PKNOX2: variants seen among roughly 807,000 people sequenced by gnomAD.
PKNOX2 encodes PBX/knotted 1 homeobox 2.
A neutral mutation model predicts 53.1 loss-of-function variants in PKNOX2; 14 were observed. The observed-to-expected ratio is 0.26, with a 90% CI of 0.17 to 0.41. The LOEUF is 0.41. Among genes scored for constraint, PKNOX2 ranks in the 10% least tolerant of loss-of-function variants. The probability of loss-of-function intolerance (pLI) is 1.00; values close to 1 mark genes in which losing one functional copy is unlikely to be tolerated. For synonymous variants in PKNOX2, 257 were observed against 242.8 expected (o/e 1.06, Z -0.54); for missense variants, 496 against 602.8 (o/e 0.82, Z 1.85).
At chr11:125,271,183 A>G (rs2135791101) in intron 2 of PKNOX2, among the ~76,000 whole-genome samples, 1 of 152,064 alleles carries the variant, frequency 6.6e-6, no homozygotes, top group South Asian at 2.1e-4. Flanking sequence ...TTCTACCCAG[A>G]CTCTAGTATA....
At chr11:125,229,844 C>T (rs1432361278) in intron 1 of PKNOX2, among the ~76,000 whole-genome samples, 1 of 152,342 alleles carries the variant, frequency 6.6e-6, no homozygotes, top group East Asian at 1.9e-4. Context: ...GACCAAGCCA[C>T]TCTGTGAGCC....
At position 125,229,107 on chromosome 11, in the gene PKNOX2, T is replaced by C. The variant is rs570808708; in HGVS notation, c.-200-5938T>C. 2.0e-5 allele frequency among the ~76,000 whole-genome samples: 3 copies of C among 152,124 alleles called. No homozygotes were observed. The South Asian group carries it at 6.3e-4, about 32-fold the overall frequency. On this transcript the variant is annotated intron_variant, in intron 1 of 12. Coordinates refer to ENST00000298282, the MANE Select transcript of PKNOX2 (RefSeq NM_001382323.2). ...ACTTGGTGGGTCCATGTGGGAGCGG[T>C]GTTGGCATTTCCTGGCCCTCCTCCT...
chr11:125,269,556 C>T (rs1481005373), intron 2 of PKNOX2, among the ~76,000 whole-genome samples: 1 of 152,214 alleles, frequency 6.6e-6, no homozygotes, highest in Non-Finnish European at 1.5e-5. Flanking sequence ...GGCAGAGGCA[C>T]GACCAAGTCT....
At chr11:125,320,044 T>A (rs1949432180) in intron 2 of PKNOX2, among the ~76,000 whole-genome samples, 1 of 152,220 alleles carries the variant, frequency 6.6e-6, no homozygotes, top group Non-Finnish European at 1.5e-5. Context: ...TTCAAAAAGA[T>A]CTTTCTAGCT....
intron 4 of PKNOX2, among the ~76,000 whole-genome samples, chr11:125,362,318 T>C (rs1284860323): frequency 6.6e-6 from 1 of 152,218 alleles, no homozygotes; most frequent in Non-Finnish European, 1.5e-5. Flanking sequence ...GAGATGATGA[T>C]AACCTACTGC....
chr11:125,256,351 C>A (rs1944398856), intron 2 of PKNOX2, among the ~76,000 whole-genome samples: 1 of 152,146 alleles, frequency 6.6e-6, no homozygotes, highest in African/African-American at 2.4e-5. Flanking sequence ...TGGGTGCCCA[C>A]TGAGTCTGTC....
chr11:125,321,482 G>C (rs1248041386), intron 2 of PKNOX2, among the ~76,000 whole-genome samples: 1 of 152,170 alleles, frequency 6.6e-6, no homozygotes, highest in Non-Finnish European at 1.5e-5. Context: ...TTGTCCTACT[G>C]TATTGTTTAG....
chr11:125,220,903 A>G (rs1941075318), intron 1 of PKNOX2, among the ~76,000 whole-genome samples: 1 of 152,064 alleles, frequency 6.6e-6, no homozygotes, highest in African/African-American at 2.4e-5. Context: ...TTCTGCTCCC[A>G]TTTCTGTTCT....
chr11:125,305,301 T>C (rs2135977970), intron 2 of PKNOX2, among the ~76,000 whole-genome samples: 1 of 152,326 alleles, frequency 6.6e-6, no homozygotes, highest in Non-Finnish European at 1.5e-5. Context: ...CAAACTATTA[T>C]AGAACTGACA....
At position 125,303,207 on chromosome 11, in the gene PKNOX2, G is replaced by C. The variant is rs565382796; in HGVS notation, c.-129-28612G>C. Among the ~76,000 whole-genome samples, 3 of 152,316 alleles carry C rather than the reference G, an allele frequency of 2.0e-5. No individual in the cohort carries two copies. The East Asian group carries it at 5.8e-4, about 29-fold the overall frequency. The stretch of plus-strand genomic sequence containing the variant: ...AACATAACCTAAATCTCATACTTTT[G>C]AATTTTGCTTTTCAATTTTCATAGC... On this transcript the variant is annotated intron_variant, in intron 2 of 12. Transcript: ENST00000298282.
At chr11:125,365,937 C>T (rs539757818) in intron 4 of PKNOX2, among the ~76,000 whole-genome samples, 11 of 152,322 alleles carry the variant, frequency 7.2e-5, no homozygotes, top group African/African-American at 2.2e-4. Flanking sequence ...TGGTACATGG[C>T]AGGGACTCAA....
In PKNOX2 at chr11:125,430,064, C is replaced by A; in HGVS notation, c.1115C>A (p.Thr372Asn). 1.9e-6 allele frequency: 3 copies of A among 1,614,194 alleles called. No homozygotes were observed. The highest frequency in any genetic ancestry group is 1.7e-6 in the Non-Finnish European group (2 of 1,180,032). The change falls in exon 12 of 13, where the codon ACC becomes AAC. Residue 372 changes from threonine (T) to asparagine (N), a missense_variant. This residue lies in a region of PKNOX2 where 139 missense variants were observed against 161.3 expected (regional missense o/e 0.86). Transcript: ENST00000298282. ...AKKIKSQHRPTQRFWPNSIAA... is the reference protein window; with the variant it reads ...AKKIKSQHRPNQRFWPNSIAA... ...AAGATCAAGTCTCAGCACCGGCCCACCCAAAGATTCTGGCCCAACTCCATC... is the reference window on the plus strand; with the variant it reads ...AAGATCAAGTCTCAGCACCGGCCCAACCAAAGATTCTGGCCCAACTCCATC...
chr11:125,176,062 A>G (rs1955686395), intron 1 of PKNOX2, among the ~76,000 whole-genome samples: 1 of 152,166 alleles, frequency 6.6e-6, no homozygotes, highest in African/African-American at 2.4e-5. Flanking sequence ...GCTTTCCATG[A>G]CTTCCTTGTG....
intron 3 of PKNOX2, 79 bp from the exon 4 acceptor site, chr11:125,351,205 G>A (rs1219328654): frequency 4.1e-6 from 3 of 739,954 alleles, no homozygotes; most frequent in African/African-American, 3.5e-5. Flanking sequence ...CCCAGCGGGG[G>A]ACACAGGGAG....
intron 1 of PKNOX2, among the ~76,000 whole-genome samples, chr11:125,229,368 C>T (rs779832372): frequency 1.9e-4 from 29 of 152,136 alleles, no homozygotes; most frequent in Non-Finnish European, 3.2e-4. Flanking sequence ...ATCCAATGAT[C>T]GACATGTGGA....
intron 4 of PKNOX2, among the ~76,000 whole-genome samples, chr11:125,364,727 G>A (rs992197454): frequency 3.9e-5 from 6 of 152,196 alleles, no homozygotes; most frequent in Non-Finnish European, 5.9e-5. Flanking sequence ...TCTGTGAAGC[G>A]CTCTAGAGTT....
chr11:125,267,745 G>A (rs1168339951), intron 2 of PKNOX2, among the ~76,000 whole-genome samples: 1 of 148,182 alleles, frequency 6.7e-6, no homozygotes. Flanking sequence ...TTGTGCATGT[G>A]TGCGCGTGTG....
intron 2 of PKNOX2, among the ~76,000 whole-genome samples, chr11:125,258,467 T>C (rs1024534174): frequency 2.0e-5 from 3 of 152,144 alleles, no homozygotes; most frequent in East Asian, 1.9e-4. Flanking sequence ...TTTTAACCCA[T>C]TGGGTTGGCC....
chr11:125,398,776 G>A (rs996917744), intron 7 of PKNOX2, among the ~76,000 whole-genome samples: 3 of 152,020 alleles, frequency 2.0e-5, no homozygotes, highest in African/African-American at 2.4e-5. Context: ...ATACCTTCCC[G>A]CCCAACTCAC....
Sources: gnomAD v4.1 joint callset for allele counts (sites outside exome capture counted in the v4.1 genomes callset) on GRCh38, gnomAD v4.1.1 for gene constraint, gnomAD v4.1.1 regional missense constraint, MANE v1.5 for transcripts, NCBI Gene and HGNC (gene_info 2026-07-23, HGNC 2026-07-21) for gene names.